MCCC1: variants seen among roughly 807,000 people sequenced by gnomAD.
MCCC1 encodes methylcrotonyl-CoA carboxylase subunit 1, also known as methylcrotonoyl-CoA carboxylase subunit alpha, mitochondrial.
In MCCC1, 64 loss-of-function variants were observed where a neutral mutation model predicts 83.8. The ratio of observed to expected loss-of-function variants is 0.76; its 90% CI spans 0.62 to 0.94. MCCC1 has a LOEUF of 0.94. Among genes scored for constraint, MCCC1 ranks in the 40% least tolerant of loss-of-function variants. The pLI is 0.00. For synonymous variants in MCCC1, 322 were observed against 315.4 expected (o/e 1.02, Z -0.22); for missense variants, 807 against 904.7 (o/e 0.89, Z 1.39).
intron 13 of MCCC1, among the ~76,000 whole-genome samples, chr3:183,036,807 G>A (rs899260212): frequency 2.0e-5 from 3 of 152,032 alleles, no homozygotes; most frequent in African/African-American, 7.2e-5. Flanking sequence ...CTAAAGTGCT[G>A]GGATCACAGG....
intron 17 of MCCC1, among the ~76,000 whole-genome samples, chr3:183,018,792 G>T (rs1310786390): frequency 6.6e-6 from 1 of 152,228 alleles, no homozygotes; most frequent in Non-Finnish European, 1.5e-5. Flanking sequence ...GTTGTCTAGG[G>T]CTAAGTATAG....
intron 9 of MCCC1, among the ~76,000 whole-genome samples, chr3:183,050,364 AT>A (rs1174719617): frequency 6.6e-6 from 1 of 152,058 alleles, no homozygotes; most frequent in Admixed American, 6.6e-5. Context: ...TCTACAAATA[AT>A]TTATATACTG....
At position 183,071,033 on chromosome 3, in the gene MCCC1, CATCATCAT is replaced by C; in HGVS notation, c.719_726del (p.Asn240SerfsTer21). ...TCTACAAACTTCTCGATCAGCATAGCATCATCATTGAAAGACTTCTTAGCTTCTCTCCG... is the reference window on the plus strand; with the variant it reads ...TCTACAAACTTCTCGATCAGCATAGCTGAAAGACTTCTTAGCTTCTCTCCG... On this transcript the variant is annotated frameshift_variant, in exon 7 of 19. Transcript: ENST00000265594. LOFTEE classifies it high-confidence loss of function. 6.2e-7 allele frequency: 1 copy of C among 1,614,158 alleles called. No homozygotes were observed. Among genetic ancestry groups the C allele is most frequent in the Non-Finnish European group, 8.5e-7 (1 of 1,180,016 alleles).
chr3:183,087,180 A>G (rs925926799), intron 3 of MCCC1, among the ~76,000 whole-genome samples: 1 of 152,230 alleles, frequency 6.6e-6, no homozygotes, highest in Admixed American at 6.5e-5. Flanking sequence ...CAAAGAAAAA[A>G]GCTTACAAAG....
At position 183,039,022 on chromosome 3, in the gene MCCC1, TCA is replaced by T; in HGVS notation, c.1377+2_1377+3del. 6.2e-7 allele frequency: 1 copy of T among 1,613,654 alleles called. No homozygotes were observed. Among genetic ancestry groups the T allele is most frequent in the East Asian group, 2.2e-5 (1 of 44,886 alleles). The stretch of plus-strand genomic sequence containing the variant: ...GGTCACTGGCACGGTCTCAGATCAC[TCA>T]CATTGTACTGACGAAGGCTGTACCT... On this transcript the variant is annotated splice_donor_variant and splice_donor_region_variant and intron_variant, in intron 12 of 18. Coordinates refer to ENST00000265594, the MANE Select transcript of MCCC1 (RefSeq NM_020166.5). LOFTEE classifies it high-confidence loss of function.
chr3:183,034,320 G>A (rs868776644), intron 13 of MCCC1, among the ~76,000 whole-genome samples: 6 of 151,864 alleles, frequency 4.0e-5, no homozygotes, highest in African/African-American at 7.3e-5. Context: ...GCATGGTGAC[G>A]GGCGCCTCTA....
chr3:183,114,078 C>A (rs751035350), intron 1 of MCCC1, among the ~76,000 whole-genome samples: 9 of 152,150 alleles, frequency 5.9e-5, no homozygotes, highest in Non-Finnish European at 7.3e-5. Flanking sequence ...AAGCTGACTC[C>A]CAGCACATCC....
At chr3:183,092,344 G>A in intron 3 of MCCC1, 65 bp downstream of exon 3, 1 of 1,604,828 alleles carries the variant, frequency 6.2e-7, no homozygotes, top group Non-Finnish European at 8.5e-7. Context: ...TCATCATAAA[G>A]AACGAAAATA....
chr3:183,022,475 C>T lies in MCCC1; in HGVS notation c.1811G>A (p.Gly604Glu). The stretch of plus-strand genomic sequence containing the variant: ...AATCAGCTTCGCTTTACTAGCAACT[C>T]CATTAACAGAACATTTCAGGTAAGT... ...DCTYLKCSVN[G>E]VASKAKLIIL... Residue 604 changes from glycine (G) to glutamate (E), a missense_variant, in exon 16 of 19, where the codon GGA becomes GAA. Coordinates refer to ENST00000265594, the MANE Select transcript of MCCC1 (RefSeq NM_020166.5). 1 of 1,613,988 alleles carries T rather than the reference C, an allele frequency of 6.2e-7. No homozygotes were observed. The highest frequency in any genetic ancestry group is 8.5e-7 in the Non-Finnish European group (1 of 1,179,936).
chr3:183,063,227 C>T (rs1715986032), intron 7 of MCCC1, among the ~76,000 whole-genome samples: 1 of 152,070 alleles, frequency 6.6e-6, no homozygotes, highest in Non-Finnish European at 1.5e-5. Context: ...CGTGATCTGC[C>T]CACCTCAGCC....
intron 1 of MCCC1, among the ~76,000 whole-genome samples, chr3:183,098,089 G>A (rs752655950): frequency 2.2e-4 from 33 of 152,086 alleles, no homozygotes; most frequent in Non-Finnish European, 4.4e-4. Context: ...CACCACGCCC[G>A]GCTAAATTTT....
At chr3:183,062,701 A>G (rs775755355) in intron 7 of MCCC1, among the ~76,000 whole-genome samples, 2 of 152,176 alleles carry the variant, frequency 1.3e-5, no homozygotes, top group Non-Finnish European at 2.9e-5. Context: ...TTGGCTGCTT[A>G]TAAGGGAAGT....
At chr3:183,061,233 T>C (rs1715810109) in intron 7 of MCCC1, among the ~76,000 whole-genome samples, 1 of 152,200 alleles carries the variant, frequency 6.6e-6, no homozygotes, top group Admixed American at 6.5e-5. Flanking sequence ...GTGTTTGTGC[T>C]GCGAAGTATT....
At chr3:183,060,997 C>T (rs1715790631) in intron 7 of MCCC1, among the ~76,000 whole-genome samples, 1 of 152,138 alleles carries the variant, frequency 6.6e-6, no homozygotes, top group African/African-American at 2.4e-5. Flanking sequence ...AGACAAAGTG[C>T]CTGCGCTCAC....
chr3:183,026,654 G>A (rs1712629329), intron 14 of MCCC1, among the ~76,000 whole-genome samples: 1 of 152,100 alleles, frequency 6.6e-6, no homozygotes, highest in Non-Finnish European at 1.5e-5. Context: ...AGGTTGCAGT[G>A]AGCTGAGATC....
chr3:183,042,495 A>G (rs1714171703), intron 10 of MCCC1, among the ~76,000 whole-genome samples: 2 of 152,356 alleles, frequency 1.3e-5, no homozygotes, highest in South Asian at 4.1e-4. Context: ...AACCTGAGAA[A>G]GCAATATAGA....
intron 1 of MCCC1, among the ~76,000 whole-genome samples, chr3:183,105,216 T>G (rs1033767403): frequency 1.3e-5 from 2 of 152,130 alleles, no homozygotes; most frequent in Admixed American, 1.3e-4. Context: ...TGGTGGCATA[T>G]GCCTGTAATC....
chr3:183,094,144 G>A (rs1332526500), intron 2 of MCCC1, among the ~76,000 whole-genome samples: 1 of 151,460 alleles, frequency 6.6e-6, no homozygotes, highest in Non-Finnish European at 1.5e-5. Context: ...CGCCTCCTGG[G>A]TTCAAGCAAT....
At chr3:183,061,091 G>A (rs1715798673) in intron 7 of MCCC1, among the ~76,000 whole-genome samples, 1 of 152,128 alleles carries the variant, frequency 6.6e-6, no homozygotes, top group Non-Finnish European at 1.5e-5. Flanking sequence ...CTTGGGGATA[G>A]CGGGTTAGGT....
Sources: allele counts gnomAD v4.1 joint callset (sites outside exome capture counted in the v4.1 genomes callset), GRCh38; gene constraint gnomAD v4.1.1; transcripts MANE v1.5; gene names NCBI Gene and HGNC (gene_info 2026-07-23, HGNC 2026-07-21).